FRAS1: variants seen among roughly 807,000 people sequenced by gnomAD.
FRAS1 encodes extracellular matrix organizing protein FRAS1.
A neutral mutation model predicts 435.2 loss-of-function variants in FRAS1; 290 were observed. The ratio of observed to expected loss-of-function variants is 0.67; its 90% confidence interval spans 0.61 to 0.73. The LOEUF is 0.73. FRAS1 is among the 30% of genes least tolerant of loss of function. FRAS1 has a pLI of 0.00. For synonymous variants in FRAS1, 1,800 were observed against 1,851.0 expected, an observed-to-expected ratio of 0.97 and a Z score of 0.71; for missense variants, 4,860 against 5,001.5, an observed-to-expected ratio of 0.97 and a Z score of 0.85.
chr4:78,142,442 C>G (rs1720233646), intron 2 of FRAS1, among the ~76,000 whole-genome samples: 2 of 151,774 alleles, frequency 1.3e-5, no homozygotes, highest in Non-Finnish European at 2.9e-5. Context: ...GCAGAAATAA[C>G]TAGGCATATG....
At chr4:78,065,083 T>TAC (rs1553915421) in intron 1 of FRAS1, among the ~76,000 whole-genome samples, 11 of 140,600 alleles carry the variant, frequency 7.8e-5, no homozygotes, top group East Asian at 2.1e-4. Flanking sequence ...TATATATATA[T>TAC]ACATACACAC....
At chr4:78,270,882 TCTGA>T (rs1221788311) in intron 9 of FRAS1, among the ~76,000 whole-genome samples, 1 of 152,214 alleles carries the variant, frequency 6.6e-6, no homozygotes, top group Admixed American at 6.5e-5. Context: ...CCTATTGGCC[TCTGA>T]CTGACATGAA....
At chr4:78,069,143 A>G (rs1740207018) in intron 2 of FRAS1, among the ~76,000 whole-genome samples, 1 of 152,196 alleles carries the variant, frequency 6.6e-6, no homozygotes, top group African/African-American at 2.4e-5. Context: ...TTTTACCCAC[A>G]TGCTCACTGT....
chr4:78,382,767 T>C (rs1732070362), intron 27 of FRAS1, among the ~76,000 whole-genome samples: 1 of 152,234 alleles, frequency 6.6e-6, no homozygotes, highest in Non-Finnish European at 1.5e-5. Flanking sequence ...ATAGTCAATA[T>C]GTAAAATAGT....
At chr4:78,111,759 A>T (rs1198753001) in intron 2 of FRAS1, among the ~76,000 whole-genome samples, 15 of 148,072 alleles carry the variant, frequency 1.0e-4, no homozygotes, top group Middle Eastern at 3.6e-3. Context: ...TAATAAAAAA[A>T]AAAAAAAAAA....
chr4:78,318,822 C>T lies in FRAS1; in HGVS notation c.1973C>T (p.Ser658Phe), dbSNP rs755831054. ...TTTCCATTTGCAGCCTGTCACTCCT[C>T]CTGCCTGGCTTGTATGGGTCCCGCA... ...DHGVCKACHS[S>F]CLACMGPAPS... Residue 658 changes from serine to phenylalanine, a missense_variant, in exon 18 of 74, where the codon TCC becomes TTC. Coordinates refer to ENST00000512123, the MANE Select transcript of FRAS1 (RefSeq NM_025074.7). The T allele has an allele frequency of 3.2e-6, 5 of 1,569,858 alleles. No individual in the cohort carries two copies. Among genetic ancestry groups the T allele is most frequent in the Non-Finnish European group, 4.3e-6 (5 of 1,154,210 alleles).
intron 36 of FRAS1, among the ~76,000 whole-genome samples, 156 bp from the exon 37 acceptor site, chr4:78,430,136 T>C (rs542582994): frequency 3.2e-4 from 49 of 152,348 alleles, no homozygotes; most frequent in African/African-American, 1.2e-3. Context: ...TATCTGTTTT[T>C]ACTCTTTTGT....
At chr4:78,536,633 A>G (rs1199611889) in intron 71 of FRAS1, among the ~76,000 whole-genome samples, 1 of 152,194 alleles carries the variant, frequency 6.6e-6, no homozygotes, top group Non-Finnish European at 1.5e-5. Flanking sequence ...TTTGATAAAT[A>G]TGAGCCTATT....
In FRAS1 at chr4:78,400,866, A is replaced by G. The variant is rs2110345466; in HGVS notation, c.4108A>G (p.Thr1370Ala). The change falls in exon 30 of 74, where the codon ACA becomes GCA. Residue 1370 changes from threonine to alanine, a missense_variant. Physicochemically the swap from Thr to Ala is moderately conservative, Grantham distance 58. Coordinates refer to ENST00000512123, the MANE Select transcript of FRAS1 (RefSeq NM_025074.7). ...TGCTGAAGAAATCATCTACAAGATTACACAAGACTACCCCCAGTTTGGTAA... is the reference window on the plus strand; with the variant it reads ...TGCTGAAGAAATCATCTACAAGATTGCACAAGACTACCCCCAGTTTGGTAA... ...ASAEEIIYKITQDYPQFGEVV... is the reference protein window; with the variant it reads ...ASAEEIIYKIAQDYPQFGEVV... The G allele has an allele frequency of 6.2e-7, 1 of 1,613,804 alleles. No homozygotes were observed. The highest frequency in any genetic ancestry group is 2.2e-5 in the East Asian group (1 of 44,872).
At position 78,115,407 on chromosome 4, in the gene FRAS1, C is replaced by G. The variant is rs949748506; in HGVS notation, c.108+49391C>G. On this transcript the variant is annotated intron_variant, in intron 2 of 73. Transcript: ENST00000512123. ...TGGAATAGTTTCAGAAGGAATGGTA[C>G]CAGCTCCTCCTTGTACCTCTGGTAG... Among the ~76,000 whole-genome samples the G allele has an allele frequency of 2.0e-5, 3 of 152,110 alleles. No individual in the cohort carries two copies. In the South Asian group the frequency reaches 6.2e-4, roughly 32 times the overall value.
At chr4:78,354,616 A>T (rs956782030) in intron 20 of FRAS1, among the ~76,000 whole-genome samples, 1 of 152,188 alleles carries the variant, frequency 6.6e-6, no homozygotes, top group African/African-American at 2.4e-5. Flanking sequence ...TTGGCATGAA[A>T]TCATTTCTTT....
At chr4:78,347,942 A>G (rs952016045) in intron 20 of FRAS1, among the ~76,000 whole-genome samples, 1 of 152,090 alleles carries the variant, frequency 6.6e-6, no homozygotes, top group African/African-American at 2.4e-5. Flanking sequence ...GTGGAGCTAA[A>G]CTGAGTAAAA....
intron 69 of FRAS1, among the ~76,000 whole-genome samples, chr4:78,525,007 C>A (rs796640228): frequency 2.0e-5 from 3 of 152,242 alleles, no homozygotes; most frequent in African/African-American, 7.2e-5. Context: ...AAGATGGCAA[C>A]ATTTGGGCAT....
intron 40 of FRAS1, among the ~76,000 whole-genome samples, chr4:78,439,300 C>G (rs1277955193): frequency 1.3e-5 from 2 of 152,092 alleles, no homozygotes; most frequent in Admixed American, 1.3e-4. Flanking sequence ...TATTTATGTG[C>G]TAGCCACCAT....
chr4:78,450,557 C>T, intron 45 of FRAS1: 1 of 510,890 alleles, frequency 2.0e-6, no homozygotes. Context: ...TTTGACTTAG[C>T]ATTGGTGGCA....
chr4:78,283,040 C>A, intron 12 of FRAS1, 73 bp downstream of exon 12: 2 of 1,155,238 alleles, frequency 1.7e-6, no homozygotes, highest in Non-Finnish European at 2.3e-6. Flanking sequence ...TCTTCCCCAC[C>A]CCCTTGCTTC....
At chr4:78,277,931 C>A (rs1490125010) in intron 9 of FRAS1, among the ~76,000 whole-genome samples, 1 of 152,036 alleles carries the variant, frequency 6.6e-6, no homozygotes, top group East Asian at 1.9e-4. Flanking sequence ...CCTGCCTCAG[C>A]CTCCTGAGTA....
intron 47 of FRAS1, among the ~76,000 whole-genome samples, chr4:78,457,505 CCT>C: frequency 6.6e-6 from 1 of 152,254 alleles, no homozygotes; most frequent in East Asian, 1.9e-4. Context: ...GGAACCAACC[CCT>C]GTGTTGTTAT....
rs915100433 is a variant in FRAS1 at position 78,459,659 on chromosome 4, A to T, written c.6764-4362A>T. Among the ~76,000 whole-genome samples the T allele has an allele frequency of 2.0e-5, 3 of 152,228 alleles. No homozygotes were observed. The South Asian group carries it at 6.2e-4, about 31-fold the overall frequency. On this transcript the variant is annotated intron_variant, in intron 47 of 73. Coordinates refer to ENST00000512123, the MANE Select transcript of FRAS1 (RefSeq NM_025074.7). ...GGCATATTAGCTTGCTAGGGCTACC[A>T]TTAAAAAGTTACACAGAATATGCAG...
Sources: gnomAD v4.1 joint callset for allele counts (sites outside exome capture counted in the v4.1 genomes callset) on GRCh38, gnomAD v4.1.1 for gene constraint, MANE v1.5 for transcripts, NCBI Gene and HGNC (gene_info 2026-07-23, HGNC 2026-07-21) for gene names.